Variants in RNLS observed in about 807,000 individuals in gnomAD.
RNLS encodes the protein renalase, FAD dependent amine oxidase, also known as renalase.
RNLS carries 39 observed loss-of-function variants against 39.8 expected under a neutral mutation model. The ratio of observed to expected loss-of-function variants is 0.98; its 90% confidence interval spans 0.76 to 1.28. The LOEUF (loss-of-function observed/expected upper bound fraction) is 1.28, where lower values mean the gene tolerates loss of function less well. Ranked by LOEUF, RNLS falls within the 50% of genes most tolerant of loss-of-function variation. The pLI, the probability that RNLS is intolerant of heterozygous loss-of-function variation, is 0.00. For synonymous variants in RNLS, 147 were observed against 150.7 expected, an observed-to-expected ratio of 0.98 and a Z score of 0.18; for missense variants, 410 against 413.3, an observed-to-expected ratio of 0.99 and a Z score of 0.07.
intron 4 of RNLS, among the ~76,000 whole-genome samples, chr10:88,509,866 C>T (rs1846009840): frequency 6.6e-6 from 1 of 152,112 alleles, no homozygotes; most frequent in African/African-American, 2.4e-5. Flanking sequence ...CTCAAATATC[C>T]TTAAAAGCAA....
intron 5 of RNLS, among the ~76,000 whole-genome samples, chr10:88,318,729 C>T (rs1354603687): frequency 6.6e-6 from 1 of 152,186 alleles, no homozygotes; most frequent in Non-Finnish European, 1.5e-5. Context: ...AGCCACATTG[C>T]AGCTGGGAAC....
the RNLS span, among the ~76,000 whole-genome samples, chr10:88,213,311 C>T: frequency 6.6e-6 from 1 of 151,900 alleles, no homozygotes; most frequent in East Asian, 1.9e-4. Flanking sequence ...TTTGTACAGT[C>T]CCCATTTCAT....
At chr10:88,239,598 C>CTGCCCGATGCTGCTTTCAGTTGG in the RNLS span, among the ~76,000 whole-genome samples, 1 of 152,256 alleles carries the variant, frequency 6.6e-6, no homozygotes, top group African/African-American at 2.4e-5. Context: ...ATCTCAGCAG[C>CTGCCCGATGCTGCTTTCAGTTGG]TGCCCGATGC....
intron 4 of RNLS, among the ~76,000 whole-genome samples, chr10:88,550,208 C>G (rs1006870423): frequency 1.3e-5 from 2 of 152,108 alleles, no homozygotes; most frequent in African/African-American, 4.8e-5. Flanking sequence ...AATCATTCTG[C>G]TAGACATTAA....
chr10:88,518,514 T>C (rs1846530901), intron 4 of RNLS, among the ~76,000 whole-genome samples: 2 of 151,992 alleles, frequency 1.3e-5, no homozygotes, highest in South Asian at 2.1e-4. Flanking sequence ...AAAATTGCAA[T>C]TGAATAAATA....
At chr10:88,569,284 A>G (rs1386830982) in intron 4 of RNLS, among the ~76,000 whole-genome samples, 2 of 151,388 alleles carry the variant, frequency 1.3e-5, no homozygotes, top group Non-Finnish European at 2.9e-5. Flanking sequence ...TAAGGTTTTA[A>G]CAGGAAAGTA....
intron 4 of RNLS, among the ~76,000 whole-genome samples, chr10:88,521,362 T>G (rs1846720583): frequency 6.6e-6 from 1 of 152,044 alleles, no homozygotes; most frequent in African/African-American, 2.4e-5. Flanking sequence ...CTGACTCTGT[T>G]TCGTTCACAG....
chr10:88,257,950 TAAAA>T, the RNLS span, among the ~76,000 whole-genome samples: 2 of 151,530 alleles, frequency 1.3e-5, no homozygotes, highest in African/African-American at 4.9e-5. Context: ...TTCCTTTACT[TAAAA>T]AAAAATCCAT....
the RNLS span, among the ~76,000 whole-genome samples, chr10:88,206,919 C>A: frequency 2.0e-5 from 3 of 152,008 alleles, no homozygotes; most frequent in Non-Finnish European, 4.4e-5. Flanking sequence ...TTTAGCCTTG[C>A]CTGATATAAA....
chr10:88,496,124 C>A (rs149023896), intron 4 of RNLS, among the ~76,000 whole-genome samples: 95 of 151,906 alleles, frequency 6.3e-4, no homozygotes, highest in South Asian at 1.7e-3. Context: ...GGAGAAGTAC[C>A]CCAGAAAAAC....
chr10:88,318,965 C>T (rs1170907380), intron 5 of RNLS, among the ~76,000 whole-genome samples: 2 of 152,188 alleles, frequency 1.3e-5, no homozygotes, highest in Admixed American at 1.3e-4. Context: ...AGCTCTTACT[C>T]TTAAGTGCCA....
chr10:88,370,489 A>AT (rs1235090954), intron 4 of RNLS, among the ~76,000 whole-genome samples: 1 of 152,178 alleles, frequency 6.6e-6, no homozygotes, highest in Non-Finnish European at 1.5e-5. Context: ...TATATAAAGC[A>AT]TTTTAGCTCA....
chr10:88,371,265 G>T (rs530418995), intron 4 of RNLS, among the ~76,000 whole-genome samples: 60 of 152,098 alleles, frequency 3.9e-4, no homozygotes, highest in African/African-American at 1.4e-3. Context: ...CAACATGACC[G>T]TACTTGATTT....
At chr10:88,268,631 G>A in the RNLS span, among the ~76,000 whole-genome samples, 1 of 152,164 alleles carries the variant, frequency 6.6e-6, no homozygotes, top group East Asian at 1.9e-4. Flanking sequence ...CTCAAATGAT[G>A]CCATCAGGTC....
the RNLS span, among the ~76,000 whole-genome samples, chr10:88,177,904 G>A: frequency 7.8e-3 from 1,189 of 152,298 alleles, 11 homozygotes; most frequent in African/African-American, 0.027. Context: ...TGTTGAGGAT[G>A]TGAACATTGG....
intron 4 of RNLS, among the ~76,000 whole-genome samples, chr10:88,440,652 C>T (rs909571176): frequency 1.3e-5 from 2 of 152,166 alleles, no homozygotes; most frequent in African/African-American, 4.8e-5. Context: ...GAGATATCTT[C>T]TGGTAGCAAT....
chr10:88,288,515 T>C (rs1385903378), intron 6 of RNLS, among the ~76,000 whole-genome samples: 1 of 152,134 alleles, frequency 6.6e-6, no homozygotes, highest in Admixed American at 6.6e-5. Flanking sequence ...CTATGTATAA[T>C]TTGCATATAC....
rs1259374121 is a variant in RNLS at position 88,284,227 on chromosome 10, T to A, written c.*1127A>T. On this transcript the variant is annotated 3_prime_UTR_variant, in exon 7 of 7. Transcript: ENST00000331772. Reference sequence around the variant, plus strand: ...GCCTGTGCCTGTGTATGTGTATGTATGACAGTGGACATGTAAGTGTGAAAC... The same window carrying A: ...GCCTGTGCCTGTGTATGTGTATGTAAGACAGTGGACATGTAAGTGTGAAAC... 1 of 985,252 alleles carries A rather than the reference T, an allele frequency of 1.0e-6. No homozygotes were observed. Among genetic ancestry groups the A allele is most frequent in the East Asian group, 1.1e-4 (1 of 8,824 alleles). 61.0% of individuals were successfully genotyped at this position (985,252 alleles called of 1,614,324 possible).
intron 4 of RNLS, among the ~76,000 whole-genome samples, chr10:88,560,203 T>G (rs1213196436): frequency 6.6e-6 from 1 of 152,142 alleles, no homozygotes; most frequent in African/African-American, 2.4e-5. Context: ...TGCTTGATGG[T>G]TATTATAAAA....
Sources: gnomAD v4.1 joint callset for allele counts (sites outside exome capture counted in the v4.1 genomes callset) on GRCh38, gnomAD v4.1.1 for gene constraint, MANE v1.5 for transcripts, NCBI Gene and HGNC (gene_info 2026-07-23, HGNC 2026-07-21) for gene names.